Variants in KRT17 observed in about 807,000 individuals in gnomAD.
The protein encoded by KRT17 is keratin 17.
Under a neutral mutation model 45.6 loss-of-function variants are expected in KRT17, and 29 were observed. That is an observed-to-expected ratio of 0.64 (90% CI 0.47 to 0.87). KRT17 has a LOEUF of 0.87. Ranked by LOEUF, KRT17 falls within the 40% of genes least tolerant of loss-of-function variation. The pLI, the probability that KRT17 is intolerant of heterozygous loss-of-function variation, is 0.00. For missense variants in KRT17, 536 were observed against 577.8 expected (o/e 0.93, Z 0.74); for synonymous variants, 219 against 234.6 (o/e 0.93, Z 0.61).
At chr17:41,622,654 C>A in intron 2 of KRT17, 143 bp from the exon 3 acceptor site, 1 of 956,336 alleles carries the variant, frequency 1.0e-6, no homozygotes. Flanking sequence ...AATTCCAGCC[C>A]CGGGACCCCG....
intron 2 of KRT17, 24 bp from the exon 3 acceptor site, chr17:41,622,535 AG>A (rs1243997132): frequency 7.4e-6 from 12 of 1,612,642 alleles, no homozygotes; most frequent in African/African-American, 1.3e-5. Flanking sequence ...CAGAGACTTC[AG>A]CCCAGGCTGC....
chr17:41,621,260 G>A (rs745677425), intron 4 of KRT17, among the ~76,000 whole-genome samples, 169 bp from the exon 5 acceptor site: 24 of 152,376 alleles, frequency 1.6e-4, no homozygotes, highest in East Asian at 3.9e-4. Context: ...TAATCCCAGC[G>A]TGTGGGAGGC....
In KRT17 at chr17:41,622,530, A is replaced by G; in HGVS notation, c.516-19T>C. On this transcript the variant is annotated intron_variant, in intron 2 of 7. Transcript: ENST00000311208. ...CTCAAACCTGCCGTGGGAATCAGAG[A>G]CTTCAGCCCAGGCTGCTTGGACCTG... The G allele has an allele frequency of 6.2e-7, 1 of 1,612,726 alleles. No individual in the cohort carries two copies. The highest frequency in any genetic ancestry group is 1.1e-5 in the South Asian group (1 of 91,012).
intron 7 of KRT17, 84 bp downstream of exon 7, chr17:41,620,452 T>A (rs1357002375): frequency 1.2e-6 from 2 of 1,610,656 alleles, no homozygotes; most frequent in Non-Finnish European, 1.7e-6. Context: ...CTGGAGCTCC[T>A]GGGGACCCTG....
rs1043719695 is a variant in KRT17 at position 41,624,395 on chromosome 17, A to G, written c.115T>C (p.Ser39Pro). 6.2e-7 allele frequency: 1 copy of G among 1,610,402 alleles called. No individual in the cohort carries two copies. Among genetic ancestry groups the G allele is most frequent in the Non-Finnish European group, 8.5e-7 (1 of 1,179,550 alleles). ...CCGCCAGCAGATCCCAGCCTGCAGG[A>G]GCCGGCACCCAGGCCGCCAGACAGC... ...CRLSGGLGAGSCRLGSAGGLG... is the reference protein window; with the variant it reads ...CRLSGGLGAGPCRLGSAGGLG... The change falls in exon 1 of 8, where the codon TCC becomes CCC. Residue 39 changes from serine to proline, a missense_variant. Coordinates refer to ENST00000311208, the MANE Select transcript of KRT17 (RefSeq NM_000422.3).
chr17:41,619,585 G>C lies in KRT17; in HGVS notation c.*9C>G. ...GCCTCCTGGGTGGCCGGCCGGGGTA[G>C]CTGAGTCCTCAGCGGGTGGTCTGGT... On this transcript the variant is annotated 3_prime_UTR_variant, in exon 8 of 8. Coordinates refer to ENST00000311208, the MANE Select transcript of KRT17 (RefSeq NM_000422.3). The C allele has an allele frequency of 6.2e-7, 1 of 1,612,128 alleles. No individual in the cohort carries two copies. The highest frequency in any genetic ancestry group is 8.5e-7 in the Non-Finnish European group (1 of 1,179,994).
chr17:41,621,802 C>T (rs769429449), intron 3 of KRT17, 48 bp from the exon 4 acceptor site: 2 of 1,609,802 alleles, frequency 1.2e-6, no homozygotes, highest in East Asian at 2.2e-5. Context: ...CCATCCTGAC[C>T]TCTCACTCCC....
At chr17:41,623,346 A>G (rs1041376346) in intron 1 of KRT17, 3 of 358,416 alleles carry the variant, frequency 8.4e-6, no homozygotes, top group African/African-American at 6.3e-5. Flanking sequence ...CTGTCCCAGA[A>G]TTCTAGAACA....
At chr17:41,620,145 A>G (rs1289938035) in intron 7 of KRT17, 2 of 985,354 alleles carry the variant, frequency 2.0e-6, no homozygotes, top group Admixed American at 6.1e-5. Flanking sequence ...TTGGAGGACA[A>G]GGACCATGTC....
At chr17:41,623,938 G>T in intron 1 of KRT17, 140 bp downstream of exon 1, 1 of 1,257,980 alleles carries the variant, frequency 7.9e-7, no homozygotes, top group Non-Finnish European at 1.2e-6. Context: ...CCCCAAGGCA[G>T]GTTCCCAGAA....
At position 41,623,311 on chromosome 17, in the gene KRT17, T is replaced by C. The variant is rs991683130; in HGVS notation, c.433-279A>G. On this transcript the variant is annotated intron_variant, in intron 1 of 7. Coordinates refer to ENST00000311208, the MANE Select transcript of KRT17 (RefSeq NM_000422.3). ...GGAGTATGAGGCAACCAGAAAAGAA[T>C]GGGAAAATGTCCCCAGGGCAGAAGC... The C allele has an allele frequency of 7.3e-6, 3 of 410,412 alleles. No homozygotes were observed. In the Admixed American group the frequency reaches 1.1e-4, roughly 15 times the overall value. 25.4% of individuals were successfully genotyped at this position (410,412 alleles called of 1,614,324 possible).
Position 41,622,399 on chromosome 17 carries a change from T to C in KRT17, c.628A>G (p.Asn210Asp). Residue 210 changes from asparagine to aspartate, a missense_variant, in exon 3 of 8, where the codon AAC becomes GAC. Coordinates refer to ENST00000311208, the MANE Select transcript of KRT17 (RefSeq NM_000422.3). ...ARADLEMQIENLKEELAYLKK... is the reference protein window; with the variant it reads ...ARADLEMQIEDLKEELAYLKK... Reference sequence around the variant, plus strand: ...AGGTAGGCCAGCTCCTCCTTGAGGTTCTCAATCTGCATCTCCAGGTCGGCT... The same window carrying C: ...AGGTAGGCCAGCTCCTCCTTGAGGTCCTCAATCTGCATCTCCAGGTCGGCT... 1.2e-6 allele frequency: 2 copies of C among 1,614,040 alleles called. No homozygotes were observed. The highest frequency in any genetic ancestry group is 1.7e-6 in the Non-Finnish European group (2 of 1,180,038).
Position 41,622,050 on chromosome 17 carries a change from G to A in KRT17, c.673-296C>T. 3 of 594,502 alleles carry A rather than the reference G, an allele frequency of 5.0e-6. No individual in the cohort carries two copies. The South Asian group carries it at 6.1e-5, about 12-fold the overall frequency. The allele number at this position is 594,502 out of a possible 1,614,324, so 36.8% of individuals were successfully genotyped here. A position where few individuals can be genotyped will look rare whatever the true frequency, so the allele number is the denominator to read the frequency against. ...TCTATGTAGATGTTCAGCTTTGAGA[G>A]TTTGAAATGGGACAAGATTTCCTTA... On this transcript the variant is annotated intron_variant, in intron 3 of 7. Transcript: ENST00000311208.
chr17:41,620,916 T>C, intron 5 of KRT17, 37 bp from the exon 6 acceptor site: 3 of 1,614,074 alleles, frequency 1.9e-6, no homozygotes, highest in Non-Finnish European at 2.5e-6. Context: ...TCAGTGAGGA[T>C]GGTCAATGCC....
rs562422160 is a variant in KRT17 at position 41,621,808 on chromosome 17, C to T, written c.673-54G>A. 3.7e-6 allele frequency: 6 copies of T among 1,607,152 alleles called. No homozygotes were observed. In the East Asian group the frequency reaches 6.7e-5, roughly 18 times the overall value. ...CATCTGGACCCATCCTGACCTCTCA[C>T]TCCCAAGCCTTCCCCCACAAGGGGA... On this transcript the variant is annotated intron_variant, in intron 3 of 7. Transcript: ENST00000311208.
In KRT17 at chr17:41,624,304, T is replaced by C; in HGVS notation, c.206A>G (p.Tyr69Cys). 1 of 1,612,176 alleles carries C rather than the reference T, an allele frequency of 6.2e-7. No homozygotes were observed. Reference sequence around the variant, plus strand: ...ATCAACACCCCCAAAGCTGCTGCCATAGCCACCACCAGAGCCAAAGCTGTA... The same window carrying C: ...ATCAACACCCCCAAAGCTGCTGCCACAGCCACCACCAGAGCCAAAGCTGTA... ...SCYSFGSGGG[Y>C]GSSFGGVDGL... Residue 69 changes from tyrosine (Y) to cysteine (C), a missense_variant, in exon 1 of 8, where the codon TAT (tyrosine) becomes TGT (cysteine). Transcript: ENST00000311208.
chr17:41,624,354 G>A lies in KRT17; in HGVS notation c.156C>T (p.Leu52=), dbSNP rs144844141. Residue 52 remains leucine, a synonymous_variant, in exon 1 of 8, where the codon CTC becomes CTT. Transcript: ENST00000311208. ...AGCAGCTGGAGTAGCTGCTACCCCCGAGGGTGCTGCCCAGGCCGCCAGCAG... is the reference window on the plus strand; with the variant it reads ...AGCAGCTGGAGTAGCTGCTACCCCCAAGGGTGCTGCCCAGGCCGCCAGCAG... ...LGSAGGLGST[L]GGSSYSSCYS... is the part of the protein sequence containing the mutation. 51 of 1,611,342 alleles carry A rather than the reference G, an allele frequency of 3.2e-5. No individual in the cohort carries two copies. Among genetic ancestry groups the A allele is most frequent in the Middle Eastern group, 2.2e-4 (1 of 4,458 alleles).
Position 41,620,889 on chromosome 17 carries a change from G to A in KRT17, c.961-10C>T. ...CCTCCAGGGATGCTTTCTGCAGGAG[G>A]GCAGGAAGACCAGGGGTCAGTGAGG... is the stretch of plus-strand genomic sequence containing the variant. On this transcript the variant is annotated splice_polypyrimidine_tract_variant and intron_variant, in intron 5 of 7. Transcript: ENST00000311208. 6.2e-7 allele frequency: 1 copy of A among 1,613,980 alleles called. No individual in the cohort carries two copies. The highest frequency in any genetic ancestry group is 8.5e-7 in the Non-Finnish European group (1 of 1,179,876).
In KRT17 at chr17:41,620,714, G is replaced by A. The variant is rs200744890; in HGVS notation, c.1126C>T (p.Arg376Trp). 8.2e-5 allele frequency: 132 copies of A among 1,612,166 alleles called. No homozygotes were observed. The highest frequency in any genetic ancestry group is 2.5e-4 in the Admixed American group (15 of 60,008). ...TAGGTGGCAATCTCCTGCTCCAGCC[G>A]CGTCTTCACATCCAGCAGGATTTTG... Reference protein sequence around the residue: ...EYKILLDVKTRLEQEIATYRR... With the variant: ...EYKILLDVKTWLEQEIATYRR... The change falls in exon 6 of 8, where the codon CGG (arginine) becomes TGG (tryptophan). Residue 376 changes from arginine (R) to tryptophan (W), a missense_variant. Physicochemically the swap from Arg to Trp is moderately radical, Grantham distance 101 (BLOSUM62 -3). Transcript: ENST00000311208.
Sources: gnomAD v4.1 joint callset for allele counts (sites outside exome capture counted in the v4.1 genomes callset) on GRCh38, gnomAD v4.1.1 for gene constraint, MANE v1.5 for transcripts, NCBI Gene and HGNC (gene_info 2026-07-23, HGNC 2026-07-21) for gene names.